The following PXDNL variants were observed in gnomAD, a reference collection of about 807,000 sequenced individuals.
PXDNL encodes the protein peroxidasin like.
Under a neutral mutation model 150.8 loss-of-function variants are expected in PXDNL, and 145 were observed. That is an observed-to-expected ratio of 0.96 (90% confidence interval 0.84 to 1.10). PXDNL has a LOEUF of 1.10. Among genes scored for constraint, PXDNL ranks in the 50% least tolerant of loss-of-function variants. The probability of loss-of-function intolerance (pLI) is 0.00; values close to 1 mark genes in which losing one functional copy is unlikely to be tolerated. For missense variants in PXDNL, 2,087 were observed against 1,873.9 expected, an observed-to-expected ratio of 1.11 and a Z score of -2.10; for synonymous variants, 757 against 725.7, an observed-to-expected ratio of 1.04 and a Z score of -0.69.
At chr8:51,501,303 CACAG>C (rs920524635) in intron 4 of PXDNL, among the ~76,000 whole-genome samples, 37 of 151,950 alleles carry the variant, frequency 2.4e-4, no homozygotes, top group African/African-American at 6.8e-4. Flanking sequence ...CTCTCACACA[CACAG>C]ACACTCTCAG....
chr8:51,506,758 TG>T (rs1387558109), intron 4 of PXDNL, among the ~76,000 whole-genome samples: 3 of 152,100 alleles, frequency 2.0e-5, no homozygotes, highest in Non-Finnish European at 4.4e-5. Flanking sequence ...TGGTTCTTCC[TG>T]GAAAAATGCA....
chr8:51,384,546 T>C (rs1807643757), intron 17 of PXDNL, among the ~76,000 whole-genome samples: 1 of 99,478 alleles, frequency 1.0e-5, no homozygotes, highest in Non-Finnish European at 2.1e-5. Flanking sequence ...TTTGTAAAAA[T>C]AAATTCTTCT....
At chr8:51,645,416 G>A (rs1157690671) in intron 2 of PXDNL, among the ~76,000 whole-genome samples, 1 of 152,152 alleles carries the variant, frequency 6.6e-6, no homozygotes, top group African/African-American at 2.4e-5. Flanking sequence ...ATCAACGGAT[G>A]GTGTTGAGCA....
chr8:51,691,883 A>G (rs1336778151), intron 1 of PXDNL, among the ~76,000 whole-genome samples: 1 of 152,226 alleles, frequency 6.6e-6, no homozygotes, highest in East Asian at 1.9e-4. Context: ...CAAAGGTTGC[A>G]TTTCAAATCC....
At chr8:51,361,137 C>T (rs1335554262) in intron 19 of PXDNL, among the ~76,000 whole-genome samples, 2 of 152,260 alleles carry the variant, frequency 1.3e-5, no homozygotes, top group African/African-American at 2.4e-5. Context: ...CAAAGCTCCA[C>T]GGATTTGTTT....
intron 1 of PXDNL, among the ~76,000 whole-genome samples, chr8:51,656,900 T>G (rs7827024): frequency 0.09 from 13,746 of 152,278 alleles, 916 homozygotes; most frequent in East Asian, 0.23. Context: ...CACTCATGTA[T>G]TTGATGCTCC....
At chr8:51,573,169 C>T (rs190478640) in intron 3 of PXDNL, among the ~76,000 whole-genome samples, 4 of 152,074 alleles carry the variant, frequency 2.6e-5, no homozygotes, top group African/African-American at 9.6e-5. Flanking sequence ...TGGTTGCACT[C>T]CCACTCATGC....
At chr8:51,470,411 T>G (rs1810301398) in intron 8 of PXDNL, among the ~76,000 whole-genome samples, 1 of 152,064 alleles carries the variant, frequency 6.6e-6, no homozygotes, top group Non-Finnish European at 1.5e-5. Context: ...TTAGAATGTT[T>G]TATACAAACA....
intron 14 of PXDNL, among the ~76,000 whole-genome samples, chr8:51,422,225 T>C (rs1241248242): frequency 1.3e-5 from 2 of 152,136 alleles, no homozygotes; most frequent in African/African-American, 4.8e-5. Flanking sequence ...AGTTGTATAA[T>C]TATTTCATTA....
intron 3 of PXDNL, among the ~76,000 whole-genome samples, chr8:51,588,038 G>C (rs1813365398): frequency 6.6e-6 from 1 of 152,176 alleles, no homozygotes; most frequent in Admixed American, 6.5e-5. Context: ...AGAAGTACTG[G>C]TTGGCTTAAG....
chr8:51,519,811 TACAATAAAA>T (rs1318010345), intron 4 of PXDNL, among the ~76,000 whole-genome samples: 3 of 152,208 alleles, frequency 2.0e-5, no homozygotes, highest in Non-Finnish European at 4.4e-5. Context: ...TTCCTGTCCT[TACAATAAAA>T]ACAAGTTCAA....
rs77368044 is a variant in PXDNL at position 51,667,486 on chromosome 8, G to A, written c.165-12726C>T. 5.1e-3 allele frequency among the ~76,000 whole-genome samples: 775 copies of A among 152,300 alleles called. 3 individuals carry two copies. Among genetic ancestry groups the A allele is most frequent in the African/African-American group, 0.018 (728 of 41,572 alleles). On this transcript the variant is annotated intron_variant, in intron 1 of 22. Transcript: ENST00000356297. Reference sequence around the variant, plus strand: ...TTTATCTACTACTTACGCAAAAATAGTTGCCCTCTTTTCTTCACCAATTTG... The same window carrying A: ...TTTATCTACTACTTACGCAAAAATAATTGCCCTCTTTTCTTCACCAATTTG...
At chr8:51,756,792 TTG>T (rs1474955706) in intron 1 of PXDNL, among the ~76,000 whole-genome samples, 7 of 152,122 alleles carry the variant, frequency 4.6e-5, no homozygotes, top group Middle Eastern at 3.4e-3. Flanking sequence ...TAGTTTTAAT[TTG>T]TTTTTTTTTA....
At chr8:51,690,838 C>A (rs1180627036) in intron 1 of PXDNL, among the ~76,000 whole-genome samples, 1 of 152,044 alleles carries the variant, frequency 6.6e-6, no homozygotes, top group Non-Finnish European at 1.5e-5. Context: ...CCTGTTGTTT[C>A]CTGACTTTTT....
intron 1 of PXDNL, among the ~76,000 whole-genome samples, chr8:51,740,614 G>A (rs1370525402): frequency 6.6e-6 from 1 of 152,044 alleles, no homozygotes; most frequent in Admixed American, 6.6e-5. Context: ...TTTGTTGGCT[G>A]CATAAATGTC....
At chr8:51,322,928 C>G (rs534787027) in intron 21 of PXDNL, among the ~76,000 whole-genome samples, 158 of 152,276 alleles carry the variant, frequency 1.0e-3, no homozygotes, top group Non-Finnish European at 1.0e-3. Flanking sequence ...CACTAATAAA[C>G]TAGCAGGACT....
At chr8:51,539,550 G>A (rs1173158251) in intron 4 of PXDNL, among the ~76,000 whole-genome samples, 1 of 151,954 alleles carries the variant, frequency 6.6e-6, no homozygotes, top group Admixed American at 6.6e-5. Flanking sequence ...ATATTTGTTA[G>A]AATTTAACAG....
intron 17 of PXDNL, among the ~76,000 whole-genome samples, chr8:51,403,088 CA>C (rs201970177): frequency 1.8e-3 from 96 of 52,830 alleles, no homozygotes; most frequent in Middle Eastern, 0.011. Context: ...ACTCCCTCTC[CA>C]AAAAAAAAAA....
At chr8:51,556,042 C>T (rs982608023) in intron 4 of PXDNL, among the ~76,000 whole-genome samples, 8 of 151,958 alleles carry the variant, frequency 5.3e-5, no homozygotes, top group Non-Finnish European at 1.0e-4. Flanking sequence ...GAATCTGAGG[C>T]GGGCAGATCT....
Sources: gnomAD v4.1 joint callset for allele counts (sites outside exome capture counted in the v4.1 genomes callset) on GRCh38, gnomAD v4.1.1 for gene constraint, MANE v1.5 for transcripts, NCBI Gene and HGNC (gene_info 2026-07-23, HGNC 2026-07-21) for gene names.